The following MGAT4C variants were observed in gnomAD, a reference collection of about 807,000 sequenced individuals.
MGAT4C encodes alpha-1,3-mannosyl-glycoprotein 4-beta-N-acetylglucosaminyltransferase C.
A neutral mutation model predicts 40.1 loss-of-function variants in MGAT4C; 19 were observed. The ratio of observed to expected loss-of-function variants is 0.47; its 90% CI spans 0.33 to 0.70. The LOEUF (loss-of-function observed/expected upper bound fraction) is 0.70. Ranked by LOEUF, MGAT4C falls within the 30% of genes least tolerant of loss-of-function variation. The probability of loss-of-function intolerance (pLI) is 0.02; values close to 1 mark genes in which losing one functional copy is unlikely to be tolerated. For synonymous variants in MGAT4C, 181 were observed against 187.1 expected (o/e 0.97, Z 0.27); for missense variants, 491 against 563.2 (o/e 0.87, Z 1.30).
intron 1 of MGAT4C, among the ~76,000 whole-genome samples, chr12:86,145,341 T>C (rs1883376009): frequency 6.6e-6 from 1 of 152,142 alleles, no homozygotes; most frequent in East Asian, 1.9e-4. Context: ...GTACTTAATT[T>C]GTTGATAGCC....
chr12:86,190,959 C>T (rs1217882156), intron 1 of MGAT4C, among the ~76,000 whole-genome samples: 1 of 152,026 alleles, frequency 6.6e-6, no homozygotes, highest in Non-Finnish European at 1.5e-5. Flanking sequence ...AGTTTCCAGA[C>T]TGCCAGTCTG....
At chr12:86,259,705 A>G (rs1255959977), upstream of MGAT4C, among the ~76,000 whole-genome samples, 1 of 29,138 alleles carries the variant, frequency 3.4e-5, no homozygotes, top group Non-Finnish European at 6.3e-5. Flanking sequence ...TTTAACTTTA[A>G]TAGTGTGTAA....
intron 4 of MGAT4C, among the ~76,000 whole-genome samples, chr12:86,328,772 GT>G (rs1954584782): frequency 6.6e-6 from 1 of 151,984 alleles, no homozygotes; most frequent in Admixed American, 6.6e-5. Context: ...TAATCAAAAT[GT>G]TACAAGAAGT....
intron 4 of MGAT4C, among the ~76,000 whole-genome samples, chr12:86,264,785 C>T (rs927955949): frequency 2.6e-5 from 4 of 151,222 alleles, no homozygotes; most frequent in Admixed American, 2.0e-4. Flanking sequence ...ACTGCCTGGC[C>T]TCTCCCGGCG....
In MGAT4C at chr12:86,675,144, G is replaced by A. The variant is rs112424238; in HGVS notation, c.-229+52065C>T. ...GAATGCAGGTTTTAATGCTAGCCTA[G>A]TTCTCTTCCTAGTACCCAAGAGATG... On this transcript the variant is annotated intron_variant, in intron 2 of 7. Coordinates refer to the MGAT4C transcript ENST00000548651. Among the ~76,000 whole-genome samples, 477 of 152,230 alleles carry A rather than the reference G, an allele frequency of 3.1e-3. 1 individual carries two copies. The highest frequency in any genetic ancestry group is 0.011 in the African/African-American group (461 of 41,536).
chr12:86,056,696 G>A (rs755350253), intron 1 of MGAT4C, among the ~76,000 whole-genome samples: 5 of 152,056 alleles, frequency 3.3e-5, no homozygotes, highest in East Asian at 1.9e-4. Flanking sequence ...ATAAACATAC[G>A]TGTGCATGTG....
chr12:86,734,453 C>G (rs1390214184), intron 1 of MGAT4C, among the ~76,000 whole-genome samples: 1 of 151,964 alleles, frequency 6.6e-6, no homozygotes, highest in East Asian at 1.9e-4. Context: ...ATAGTATGAG[C>G]TGAATATTTG....
intron 1 of MGAT4C, among the ~76,000 whole-genome samples, chr12:86,229,675 G>A (rs982816751): frequency 2.0e-5 from 3 of 151,890 alleles, no homozygotes; most frequent in East Asian, 1.9e-4. Context: ...GTATAAGGAA[G>A]TACATAATTA....
chr12:86,685,535 A>G (rs1277547891), intron 2 of MGAT4C, among the ~76,000 whole-genome samples: 1 of 152,144 alleles, frequency 6.6e-6, no homozygotes, highest in Non-Finnish European at 1.5e-5. Context: ...GTTCCATATG[A>G]AATTTAAGGT....
chr12:86,655,948 T>C (rs1410539275), intron 2 of MGAT4C, among the ~76,000 whole-genome samples: 1 of 152,052 alleles, frequency 6.6e-6, no homozygotes, highest in Non-Finnish European at 1.5e-5. Context: ...TTGGTTGAGT[T>C]TGCCTGATAA....
intron 2 of MGAT4C, among the ~76,000 whole-genome samples, chr12:86,459,911 C>G (rs1047651916): frequency 6.6e-6 from 1 of 151,936 alleles, no homozygotes; most frequent in Non-Finnish European, 1.5e-5. Flanking sequence ...TTGACACTAA[C>G]TCTTAATTTG....
chr12:86,607,410 CAG>C (rs1962080295), intron 2 of MGAT4C, among the ~76,000 whole-genome samples: 1 of 152,016 alleles, frequency 6.6e-6, no homozygotes, highest in Non-Finnish European at 1.5e-5. Flanking sequence ...TACAACATAA[CAG>C]AATTAAAGTT....
chr12:86,411,148 G>C (rs1956594884), intron 3 of MGAT4C, among the ~76,000 whole-genome samples: 1 of 152,180 alleles, frequency 6.6e-6, no homozygotes, highest in East Asian at 1.9e-4. Flanking sequence ...TGTGAGAATG[G>C]ACTAATACAA....
chr12:86,457,584 C>T (rs963006918), intron 2 of MGAT4C, among the ~76,000 whole-genome samples: 1 of 151,840 alleles, frequency 6.6e-6, no homozygotes, highest in South Asian at 2.1e-4. Flanking sequence ...GAGACTTTTT[C>T]ATGTGGGAAG....
chr12:86,059,622 A>C (rs1173234845), intron 1 of MGAT4C, among the ~76,000 whole-genome samples: 1 of 152,176 alleles, frequency 6.6e-6, no homozygotes, highest in Non-Finnish European at 1.5e-5. Context: ...AGGATATTAA[A>C]AGCCTCAATC....
chr12:86,825,778 T>C (rs1952794548), intron 1 of MGAT4C, among the ~76,000 whole-genome samples: 1 of 151,514 alleles, frequency 6.6e-6, no homozygotes, highest in Admixed American at 6.6e-5. Context: ...TACAACAGTG[T>C]GATACTACAG....
intron 1 of MGAT4C, among the ~76,000 whole-genome samples, chr12:86,125,639 T>C (rs1209436144): frequency 6.6e-6 from 1 of 152,114 alleles, no homozygotes; most frequent in Non-Finnish European, 1.5e-5. Flanking sequence ...TTCAATGAAA[T>C]AGAATTATTA....
rs1423658932 is a variant in MGAT4C, at chr12:85,956,853, G to A, written c.*22436C>T. The A allele has an allele frequency of 6.6e-6, 1 of 152,032 alleles. No individual in the cohort carries two copies. Among genetic ancestry groups the A allele is most frequent in the Non-Finnish European group, 1.5e-5 (1 of 67,986 alleles). 9.4% of individuals were successfully genotyped at this position (152,032 alleles called of 1,614,324 possible). ...TTATTTTTCTTTTACCGTGGCCCAA[G>A]TAATGTTTGAAGTAACCTTGCTTGG... On this transcript the variant is annotated 3_prime_UTR_variant, in exon 5 of 5. Coordinates refer to ENST00000611864, the MANE Select transcript of MGAT4C (RefSeq NM_001351288.2).
intron 1 of MGAT4C, among the ~76,000 whole-genome samples, chr12:86,833,437 T>C (rs1165165488): frequency 6.6e-6 from 1 of 151,796 alleles, no homozygotes; most frequent in Non-Finnish European, 1.5e-5. Context: ...TTCTTACAAT[T>C]GAAAGGTTGC....
Sources: allele counts gnomAD v4.1 joint callset (sites outside exome capture counted in the v4.1 genomes callset), GRCh38; gene constraint gnomAD v4.1.1; transcripts MANE v1.5; gene names NCBI Gene and HGNC (gene_info 2026-07-23, HGNC 2026-07-21).